SMAP2: variants seen among roughly 807,000 people sequenced by gnomAD.
SMAP2 encodes the protein stromal membrane-associated protein 2.
SMAP2 carries 25 observed loss-of-function variants against 56.4 expected under a neutral mutation model. That is an observed-to-expected ratio of 0.44 (90% CI 0.32 to 0.62). The LOEUF is 0.62. Ranked by LOEUF, SMAP2 falls within the 20% of genes least tolerant of loss-of-function variation. SMAP2 has a pLI of 0.04. For missense variants in SMAP2, 388 were observed against 545.6 expected (o/e 0.71, Z 2.88); for synonymous variants, 157 against 181.7 (o/e 0.86, Z 1.09).
At chr1:40,406,228 TC>T (rs1408844105) in intron 1 of SMAP2, among the ~76,000 whole-genome samples, 3 of 152,334 alleles carry the variant, frequency 2.0e-5, no homozygotes, top group Non-Finnish European at 4.4e-5. Flanking sequence ...GGCTTTGCAC[TC>T]CTGGGATTTT....
At chr1:40,372,152 G>C (rs1644500247), upstream of SMAP2, among the ~76,000 whole-genome samples, 1 of 152,206 alleles carries the variant, frequency 6.6e-6, no homozygotes, top group Admixed American at 6.5e-5. Flanking sequence ...AGAGAGCACG[G>C]TGAAGGATTA....
chr1:40,357,860 G>T (rs569803000), intron 1 of SMAP2, among the ~76,000 whole-genome samples: 1 of 152,144 alleles, frequency 6.6e-6, no homozygotes, highest in African/African-American at 2.4e-5. Context: ...CAGGTAATGT[G>T]ATTACTCCAG....
chr1:40,371,182 A>C (rs1011184337), upstream of SMAP2, among the ~76,000 whole-genome samples: 1 of 152,160 alleles, frequency 6.6e-6, no homozygotes, highest in Admixed American at 6.5e-5. Context: ...AAAAAAAAAA[A>C]TTTTATAACT....
intron 1 of SMAP2, among the ~76,000 whole-genome samples, chr1:40,380,460 G>A (rs1644586162): frequency 6.6e-6 from 1 of 151,130 alleles, no homozygotes; most frequent in African/African-American, 2.4e-5. Context: ...CCAAGTCATT[G>A]CTTGTTAAAT....
At chr1:40,418,176 TA>T (rs773761357) in intron 9 of SMAP2, among the ~76,000 whole-genome samples, 1 of 151,950 alleles carries the variant, frequency 6.6e-6, no homozygotes, top group Non-Finnish European at 1.5e-5. Context: ...CCAAAATGGA[TA>T]AAAAACTGCA....
rs183662095 is a variant in SMAP2, at chr1:40,374,837, G to A, written c.103+614G>A. The A allele has an allele frequency of 2.3e-5, 36 of 1,540,396 alleles. No homozygotes were observed. The Admixed American group carries it at 2.6e-4, about 11-fold the overall frequency. On this transcript the variant is annotated intron_variant, in intron 1 of 9. Coordinates refer to ENST00000372718, the MANE Select transcript of SMAP2 (RefSeq NM_022733.3). This position sits in a 1 kb window ranked among gnomAD's most constrained non-coding sequence, Gnocchi z 5.9. ...GTGCAGTGGGAAACTGCCTTATGCA[G>A]TGACACAGTGCGGATTTCTAGGCAG...
chr1:40,373,328 G>C (rs1644510082), upstream of SMAP2, among the ~76,000 whole-genome samples: 1 of 152,190 alleles, frequency 6.6e-6, no homozygotes, highest in Non-Finnish European at 1.5e-5. Context: ...GAAAAAACAA[G>C]CTGGAGGACT....
chr1:40,416,901 G>A lies in SMAP2; in HGVS notation c.969G>A (p.Gln323=), dbSNP rs1644993306. The A allele has an allele frequency of 6.2e-7, 1 of 1,614,224 alleles. No individual in the cohort carries two copies. Among genetic ancestry groups the A allele is most frequent in the East Asian group, 2.2e-5 (1 of 44,878 alleles). ...CTCCACCAGTAGGCATGGTTGCTCA[G>A]CCAGGAGCTTCTGGGATGGTTGCCC... is the stretch of plus-strand genomic sequence containing the variant. The part of the protein sequence containing the change: ...MMPPPVGMVA[Q]PGASGMVAPM... The change falls in exon 9 of 10, where the codon CAG becomes CAA. Residue 323 remains glutamine (Q), a synonymous_variant. Transcript: ENST00000372718.
rs76201522 is a variant in SMAP2, at chr1:40,381,559, G to A, written c.103+7336G>A. Among the ~76,000 whole-genome samples, 523 of 152,266 alleles carry A rather than the reference G, an allele frequency of 3.4e-3. 1 individual carries two copies. The highest frequency in any genetic ancestry group is 0.012 in the African/African-American group (485 of 41,546). ...CACTGTTTTGTGTGTGTGTGTGTGCGTGTGGGGATTCTTTAGTATATTTTG... is the reference window on the plus strand; with the variant it reads ...CACTGTTTTGTGTGTGTGTGTGTGCATGTGGGGATTCTTTAGTATATTTTG... On this transcript the variant is annotated intron_variant, in intron 1 of 9. Coordinates refer to ENST00000372718, the MANE Select transcript of SMAP2 (RefSeq NM_022733.3).
intron 5 of SMAP2, 23 bp downstream of exon 5, chr1:40,413,125 T>C: frequency 6.4e-7 from 1 of 1,557,442 alleles, no homozygotes; most frequent in Non-Finnish European, 8.9e-7. Context: ...GTATTTGCAC[T>C]GTATGGACAG....
At chr1:40,347,948 A>AT (rs1241123498) in intron 1 of SMAP2, among the ~76,000 whole-genome samples, 1 of 151,630 alleles carries the variant, frequency 6.6e-6, no homozygotes, top group Non-Finnish European at 1.5e-5. Context: ...ATACTCATCT[A>AT]TTTTTTCAAA....
chr1:40,403,517 TAAA>T (rs1338001703), intron 1 of SMAP2, among the ~76,000 whole-genome samples: 2 of 151,780 alleles, frequency 1.3e-5, no homozygotes, highest in African/African-American at 2.4e-5. Flanking sequence ...AAAAATAAAA[TAAA>T]AAGAAGCACT....
intron 1 of SMAP2, among the ~76,000 whole-genome samples, chr1:40,357,973 GT>G (rs373533182): frequency 2.2e-4 from 33 of 146,680 alleles, no homozygotes; most frequent in Middle Eastern, 3.3e-3. Context: ...AATGTTATTG[GT>G]TTTTTTTTTA....
intron 7 of SMAP2, 25 bp from the exon 8 acceptor site, chr1:40,416,151 C>A: frequency 6.2e-7 from 1 of 1,601,946 alleles, no homozygotes; most frequent in Non-Finnish European, 8.5e-7. Context: ...CATTTCAATT[C>A]TCCCCCCGCC....
At chr1:40,402,682 T>C (rs1030087107) in intron 1 of SMAP2, among the ~76,000 whole-genome samples, 1 of 152,054 alleles carries the variant, frequency 6.6e-6, no homozygotes, top group African/African-American at 2.4e-5. Flanking sequence ...TGTATTTTTG[T>C]ACCCATTAAT....
Position 40,422,497 on chromosome 1 carries a change from T to C in SMAP2, c.*396T>C, listed in dbSNP as rs1312052812. 4 of 195,048 alleles carry C rather than the reference T, an allele frequency of 2.1e-5. No individual in the cohort carries two copies. The highest frequency in any genetic ancestry group is 1.1e-4 in the East Asian group (1 of 8,860). The allele number at this position is 195,048 out of a possible 1,614,324, so 12.1% of individuals were successfully genotyped here. ...CAAACAGGGGAAAGCTTAGAGGTCC[T>C]TCTATATGTGTTAATAAGCTGTTTC... On this transcript the variant is annotated 3_prime_UTR_variant, in exon 10 of 10. Coordinates refer to ENST00000372718, the MANE Select transcript of SMAP2 (RefSeq NM_022733.3).
intron 9 of SMAP2, among the ~76,000 whole-genome samples, chr1:40,419,738 A>C (rs898751148): frequency 2.0e-5 from 3 of 152,264 alleles, no homozygotes; most frequent in African/African-American, 7.2e-5. Flanking sequence ...ACAAAGCAAC[A>C]CTAGTTTTGC....
At chr1:40,388,026 C>T (rs1193940463) in intron 1 of SMAP2, among the ~76,000 whole-genome samples, 1 of 152,134 alleles carries the variant, frequency 6.6e-6, no homozygotes, top group African/African-American at 2.4e-5. Context: ...TGCTGGGTCC[C>T]CCAGCAGTGC....
chr1:40,366,283 A>G (rs942698405), intron 2 of SMAP2, among the ~76,000 whole-genome samples: 4 of 149,202 alleles, frequency 2.7e-5, no homozygotes, highest in African/African-American at 7.4e-5. Flanking sequence ...ACTCTGCAGG[A>G]TATTATCCAG....
Sources: allele counts gnomAD v4.1 joint callset (sites outside exome capture counted in the v4.1 genomes callset), GRCh38; gene constraint gnomAD v4.1.1; non-coding constraint Gnocchi (gnomAD v3.1); transcripts MANE v1.5; gene names NCBI Gene and HGNC (gene_info 2026-07-23, HGNC 2026-07-21).